The following TMC3 variants were observed in gnomAD, a reference collection of about 807,000 sequenced individuals.
TMC3 encodes the protein transmembrane channel like 3, also known as transmembrane channel-like protein 3.
Under a neutral mutation model 110.6 loss-of-function variants are expected in TMC3, and 98 were observed. The ratio of observed to expected loss-of-function variants is 0.89; its 90% CI spans 0.75 to 1.05. TMC3 has a LOEUF of 1.05. Among genes scored for constraint, TMC3 ranks in the 50% least tolerant of loss-of-function variants. TMC3 has a pLI of 0.00. For synonymous variants in TMC3, 489 were observed against 513.1 expected (o/e 0.95, Z 0.63); for missense variants, 1,319 against 1,373.2 (o/e 0.96, Z 0.62).
intron 2 of TMC3, among the ~76,000 whole-genome samples, chr15:81,372,361 CACACACACACA>C (rs1894454483): frequency 1.1e-5 from 1 of 91,252 alleles, no homozygotes; most frequent in African/African-American, 6.7e-5. Flanking sequence ...CACACACACA[CACACACACACA>C]CACACACACA....
At chr15:81,348,915 C>A (rs569427136) in intron 11 of TMC3, among the ~76,000 whole-genome samples, 1 of 152,210 alleles carries the variant, frequency 6.6e-6, no homozygotes, top group African/African-American at 2.4e-5. Context: ...CTCTGCCAAG[C>A]GATTCTCCTG....
At position 81,341,497 on chromosome 15, in the gene TMC3, T is replaced by C. The variant is rs1893714771; in HGVS notation, c.1737A>G (p.Pro579=). The change falls in exon 16 of 22, where the codon CCA becomes CCG. Residue 579 remains proline (P), a synonymous_variant. Transcript: ENST00000359440. ...GMIWMGAFFS[P]CLPAFNVLKL... is the part of the protein sequence containing the mutation. ...TGAGAACGTTGAACGCTGGGAGACA[T>C]GGGGAGAAGAAGGCCCCCATCCTGG... 5.6e-6 allele frequency: 9 copies of C among 1,610,748 alleles called. No individual in the cohort carries two copies. Among genetic ancestry groups the C allele is most frequent in the African/African-American group, 1.3e-5 (1 of 74,922 alleles).
rs574946966 is a variant in TMC3, at chr15:81,350,327, G to A, written c.1084-760C>T. 6.4e-4 allele frequency among the ~76,000 whole-genome samples: 98 copies of A among 152,288 alleles called. No individual in the cohort carries two copies. In the Middle Eastern group the frequency reaches 0.01, roughly 16 times the overall value. Reference sequence around the variant, plus strand: ...ACTTCCCTGACCTTGGATGGAAGATGGAAATAACTGCAACTATTACCAATA... The same window carrying A: ...ACTTCCCTGACCTTGGATGGAAGATAGAAATAACTGCAACTATTACCAATA... On this transcript the variant is annotated intron_variant, in intron 10 of 21. Coordinates refer to ENST00000359440, the MANE Select transcript of TMC3 (RefSeq NM_001080532.3).
At chr15:81,356,368 G>C in intron 8 of TMC3, 79 bp downstream of exon 8, 1 of 1,469,604 alleles carries the variant, frequency 6.8e-7, no homozygotes, top group South Asian at 1.3e-5. Flanking sequence ...GGATGGTTCT[G>C]GCTTCCAGCT....
intron 21 of TMC3, among the ~76,000 whole-genome samples, chr15:81,333,687 A>C (rs998488296): frequency 1.4e-4 from 21 of 152,146 alleles, no homozygotes; most frequent in African/African-American, 5.1e-4. Flanking sequence ...GGAGTTGTAC[A>C]TATTAAACAG....
At chr15:81,340,173 C>G (rs1241225634) in intron 16 of TMC3, among the ~76,000 whole-genome samples, 2 of 152,108 alleles carry the variant, frequency 1.3e-5, no homozygotes, top group Non-Finnish European at 2.9e-5. Flanking sequence ...AATCTAGTTA[C>G]TTTCAACTAG....
At chr15:81,351,405 T>G (rs1893946944) in intron 10 of TMC3, among the ~76,000 whole-genome samples, 1 of 145,008 alleles carries the variant, frequency 6.9e-6, no homozygotes, top group Admixed American at 7.3e-5. Context: ...CACACTGGAG[T>G]GCAGTGGCGT....
In TMC3 at chr15:81,332,924, G is replaced by A. The variant is rs1228562349; in HGVS notation, c.2798C>T (p.Pro933Leu). The change falls in exon 22 of 22, where the codon CCC becomes CTC. Residue 933 changes from proline (P) to leucine (L), a missense_variant. By Grantham distance (98) the Pro-to-Leu change is moderately conservative. Transcript: ENST00000359440. ...CAGCTGTGGGGAGGGAGGCTGGCGGGGGACCCGGGATGCATATTGTCGCAC... is the reference window on the plus strand; with the variant it reads ...CAGCTGTGGGGAGGGAGGCTGGCGGAGGACCCGGGATGCATATTGTCGCAC... Reference protein sequence around the residue: ...RNVRQYASRVPRQPPSPQLSE... With the variant: ...RNVRQYASRVLRQPPSPQLSE... 3 of 1,612,726 alleles carry A rather than the reference G, an allele frequency of 1.9e-6. No individual in the cohort carries two copies. Among genetic ancestry groups the A allele is most frequent in the Non-Finnish European group, 2.5e-6 (3 of 1,179,664 alleles).
chr15:81,349,136 T>C (rs2141705262), intron 11 of TMC3, among the ~76,000 whole-genome samples: 1 of 152,218 alleles, frequency 6.6e-6, no homozygotes, highest in South Asian at 2.1e-4. Flanking sequence ...CGACCCTTGG[T>C]TCCCTTTTGT....
intron 1 of TMC3, 123 bp from the exon 2 acceptor site, chr15:81,372,860 T>G: frequency 2.2e-6 from 2 of 906,896 alleles, no homozygotes; most frequent in Non-Finnish European, 3.3e-6. Flanking sequence ...GAAATGTGTA[T>G]GTGTTTGTGC....
chr15:81,355,868 T>C, intron 8 of TMC3, 100 bp from the exon 9 acceptor site: 1 of 720,928 alleles, frequency 1.4e-6, no homozygotes, highest in Non-Finnish European at 2.3e-6. Context: ...ACCTTCATTG[T>C]CTAAGACTTT....
chr15:81,371,371 G>A (rs916876569), intron 2 of TMC3, among the ~76,000 whole-genome samples: 1 of 152,208 alleles, frequency 6.6e-6, no homozygotes, highest in Non-Finnish European at 1.5e-5. Flanking sequence ...AGGAAGAAAT[G>A]ATTTGATGGG....
At chr15:81,333,293 GC>G in intron 21 of TMC3, 31 bp from the exon 22 acceptor site, 1 of 1,570,906 alleles carries the variant, frequency 6.4e-7, no homozygotes, top group Non-Finnish European at 8.6e-7. Flanking sequence ...AGTAGCTGTG[GC>G]CTTGGTGGTC....
intron 9 of TMC3, among the ~76,000 whole-genome samples, chr15:81,353,113 C>A (rs1312024254): frequency 6.6e-6 from 1 of 152,108 alleles, no homozygotes; most frequent in Non-Finnish European, 1.5e-5. Flanking sequence ...TGTGCCACCA[C>A]ATCCGGCCTG....
intron 1 of TMC3, 78 bp downstream of exon 1, chr15:81,373,911 C>G (rs1459741860): frequency 7.5e-7 from 1 of 1,332,672 alleles, no homozygotes; most frequent in Admixed American, 1.9e-5. Flanking sequence ...GGGACTTTGT[C>G]CCTCGCTCTG....
chr15:81,344,704 A>G, intron 13 of TMC3, 62 bp downstream of exon 13: 1 of 1,510,382 alleles, frequency 6.6e-7, no homozygotes, highest in South Asian at 1.2e-5. Context: ...CAGCTCAGAG[A>G]GTTGCTGGGG....
chr15:81,343,639 A>G (rs1268932175), intron 14 of TMC3, among the ~76,000 whole-genome samples: 1 of 151,908 alleles, frequency 6.6e-6, no homozygotes, highest in Non-Finnish European at 1.5e-5. Context: ...AAATTTTTAA[A>G]ACTAGCTGGG....
chr15:81,332,593 G>A lies in TMC3; in HGVS notation c.3129C>T (p.Ser1043=), dbSNP rs183716924. The A allele has an allele frequency of 2.7e-5, 43 of 1,613,934 alleles. No individual in the cohort carries two copies. The African/African-American group carries it at 5.2e-4, about 20-fold the overall frequency. Residue 1043 remains serine, a synonymous_variant, in exon 22 of 22, where the codon TCC becomes TCT. Coordinates refer to ENST00000359440, the MANE Select transcript of TMC3 (RefSeq NM_001080532.3). ...GGTCACTGCTGGATGCTGCCGACAC[G>A]GAGTCAGATTCCGTGAGGGATGGCT... ...RFEPSLTESD[S]VSAASSSDQQ...
intron 11 of TMC3, among the ~76,000 whole-genome samples, chr15:81,348,146 T>G (rs184811737): frequency 6.6e-6 from 1 of 152,380 alleles, no homozygotes; most frequent in East Asian, 1.9e-4. Context: ...GTAGTGGTGA[T>G]AGAGACTGTG....
Sources: gnomAD v4.1 joint callset for allele counts (sites outside exome capture counted in the v4.1 genomes callset) on GRCh38, gnomAD v4.1.1 for gene constraint, MANE v1.5 for transcripts, NCBI Gene and HGNC (gene_info 2026-07-23, HGNC 2026-07-21) for gene names.